Variants in EYS observed in about 807,000 individuals in gnomAD.
The protein encoded by EYS is EGF-like photoreceptor maintenance factor.
Under a neutral mutation model 282.1 loss-of-function variants are expected in EYS, and 250 were observed. The ratio of observed to expected loss-of-function variants is 0.89; its 90% CI spans 0.80 to 0.98. The LOEUF is 0.98. Among genes scored for constraint, EYS ranks in the 50% least tolerant of loss-of-function variants. The probability of loss-of-function intolerance (pLI) is 0.00; values close to 1 mark genes in which losing one functional copy is unlikely to be tolerated. For missense variants in EYS, 4,016 were observed against 3,709.0 expected (o/e 1.08, Z -2.15); for synonymous variants, 1,355 against 1,282.9 (o/e 1.06, Z -1.20).
At chr6:65,287,103 A>G (rs530345086) in intron 12 of EYS, among the ~76,000 whole-genome samples, 21 of 151,610 alleles carry the variant, frequency 1.4e-4, no homozygotes, top group Non-Finnish European at 1.6e-4. Context: ...TACAGAGGGG[A>G]AATAGAATGT....
At chr6:64,216,050 G>C (rs1401306488) in intron 31 of EYS, among the ~76,000 whole-genome samples, 1 of 152,190 alleles carries the variant, frequency 6.6e-6, no homozygotes, top group African/African-American at 2.4e-5. Context: ...TTCTAGGTTT[G>C]GATGGCAGGA....
intron 12 of EYS, among the ~76,000 whole-genome samples, chr6:65,094,444 G>A (rs1040283255): frequency 2.0e-5 from 3 of 150,340 alleles, no homozygotes; most frequent in African/African-American, 7.3e-5. Flanking sequence ...AACATGCACA[G>A]AATAATCTTT....
intron 12 of EYS, among the ~76,000 whole-genome samples, chr6:65,259,016 T>C (rs1767546040): frequency 6.6e-6 from 1 of 151,952 alleles, no homozygotes; most frequent in Non-Finnish European, 1.5e-5. Flanking sequence ...CTTCTGAATA[T>C]CTGATAATTT....
In EYS at chr6:65,669,673, T is replaced by C. The variant is rs116675595; in HGVS notation, c.-447-29781A>G. On this transcript the variant is annotated intron_variant, in intron 1 of 42. Coordinates refer to ENST00000503581, the MANE Select transcript of EYS (RefSeq NM_001142800.2). Reference sequence around the variant, plus strand: ...ACATTAAATCCATGGTCATCACCATTAAATGAGTCCTTAATATAGCAAGAC... The same window carrying C: ...ACATTAAATCCATGGTCATCACCATCAAATGAGTCCTTAATATAGCAAGAC... 8.1e-3 allele frequency among the ~76,000 whole-genome samples: 1,234 copies of C among 152,114 alleles called. 16 individuals carry two copies. Among genetic ancestry groups the C allele is most frequent in the African/African-American group, 0.028 (1,163 of 41,542 alleles).
chr6:65,381,986 A>G (rs1765628212), intron 8 of EYS, among the ~76,000 whole-genome samples: 1 of 151,846 alleles, frequency 6.6e-6, no homozygotes, highest in Admixed American at 6.6e-5. Flanking sequence ...CAATAAAGAC[A>G]TTTTATTTCA....
intron 12 of EYS, among the ~76,000 whole-genome samples, chr6:65,244,809 A>G (rs1582058049): frequency 6.6e-6 from 1 of 151,852 alleles, no homozygotes; most frequent in East Asian, 1.9e-4. Context: ...GGCTTGAGCC[A>G]CCGCGCCTGG....
At chr6:65,574,164 T>C (rs565026910) in intron 2 of EYS, among the ~76,000 whole-genome samples, 1 of 152,330 alleles carries the variant, frequency 6.6e-6, no homozygotes, top group East Asian at 1.9e-4. Context: ...CTGTTCCATG[T>C]GTGCCACCCA....
intron 35 of EYS, among the ~76,000 whole-genome samples, chr6:63,951,066 G>A (rs1765573772): frequency 6.6e-6 from 1 of 151,886 alleles, no homozygotes; most frequent in Non-Finnish European, 1.5e-5. Context: ...TTCCTAGGGG[G>A]CAAGCACCCC....
intron 22 of EYS, among the ~76,000 whole-genome samples, chr6:64,650,074 G>C (rs1366544799): frequency 2.0e-5 from 3 of 151,894 alleles, no homozygotes. Context: ...TTTTCATTGG[G>C]AATTTTAGAA....
In EYS at chr6:65,491,915, A is replaced by G. The variant is rs985941963; in HGVS notation, c.749-1208T>C. Among the ~76,000 whole-genome samples the G allele has an allele frequency of 2.0e-5, 3 of 152,198 alleles. No homozygotes were observed. In the South Asian group the frequency reaches 6.2e-4, roughly 31 times the overall value. The stretch of plus-strand genomic sequence containing the variant: ...TTTCAAGAGGAGAACATTTACACAC[A>G]GATACATACAGAGAAATGACAATGT... On this transcript the variant is annotated intron_variant, in intron 4 of 42. Transcript: ENST00000503581.
intron 26 of EYS, among the ~76,000 whole-genome samples, chr6:64,547,258 A>C (rs1385476615): frequency 6.6e-6 from 1 of 151,152 alleles, no homozygotes; most frequent in Non-Finnish European, 1.5e-5. Context: ...GCTCTGGCAG[A>C]CTGCTTTTAT....
chr6:63,723,345 A>G (rs953666328), intron 42 of EYS, among the ~76,000 whole-genome samples: 5 of 152,198 alleles, frequency 3.3e-5, no homozygotes, highest in Non-Finnish European at 5.9e-5. Context: ...ACAAGTAAAC[A>G]TAATTGATAA....
chr6:65,130,404 G>A (rs925472731), intron 12 of EYS, among the ~76,000 whole-genome samples: 1 of 151,826 alleles, frequency 6.6e-6, no homozygotes, highest in Non-Finnish European at 1.5e-5. Context: ...ATAACAATGG[G>A]AAAATAGTTT....
At chr6:63,943,064 C>T (rs547208986) in intron 35 of EYS, among the ~76,000 whole-genome samples, 33 of 152,268 alleles carry the variant, frequency 2.2e-4, no homozygotes, top group South Asian at 2.1e-3. Context: ...GGTTTCTGGT[C>T]AACAGTAAGC....
At chr6:64,000,532 G>A (rs2149803705) in intron 33 of EYS, among the ~76,000 whole-genome samples, 1 of 151,610 alleles carries the variant, frequency 6.6e-6, no homozygotes, top group African/African-American at 2.4e-5. Flanking sequence ...AGAAGTTCCT[G>A]GAAGACCTGG....
chr6:64,157,932 C>T (rs1774983868), intron 31 of EYS, among the ~76,000 whole-genome samples: 1 of 152,182 alleles, frequency 6.6e-6, no homozygotes, highest in Admixed American at 6.5e-5. Flanking sequence ...CCACTGTCCT[C>T]CAGACCCCAG....
chr6:64,852,595 C>T (rs1485219484), intron 19 of EYS, among the ~76,000 whole-genome samples: 11 of 152,026 alleles, frequency 7.2e-5, no homozygotes, highest in Admixed American at 6.6e-4. Context: ...TATTTGAAAA[C>T]TGAATGTTTG....
intron 5 of EYS, among the ~76,000 whole-genome samples, chr6:65,428,792 C>CT (rs559731537): frequency 7.2e-5 from 11 of 152,144 alleles, no homozygotes; most frequent in Non-Finnish European, 7.4e-5. Flanking sequence ...TGCAGTAAAA[C>CT]TATCAAAAAC....
chr6:64,857,324 C>T (rs1323420283), intron 19 of EYS, among the ~76,000 whole-genome samples: 1 of 152,146 alleles, frequency 6.6e-6, no homozygotes, highest in African/African-American at 2.4e-5. Flanking sequence ...GAGTTCAACA[C>T]TTTAGATTCC....
Sources: gnomAD v4.1 joint callset for allele counts (sites outside exome capture counted in the v4.1 genomes callset) on GRCh38, gnomAD v4.1.1 for gene constraint, MANE v1.5 for transcripts, NCBI Gene and HGNC (gene_info 2026-07-23, HGNC 2026-07-21) for gene names.